Variants in RGS7 observed in about 807,000 individuals in gnomAD.
The protein encoded by RGS7 is regulator of G-protein signaling 7.
Under a neutral mutation model 81.1 loss-of-function variants are expected in RGS7, and 27 were observed. That is an observed-to-expected ratio of 0.33 (90% CI 0.25 to 0.46). The LOEUF is 0.46. RGS7 is among the 20% of genes least tolerant of loss of function. RGS7 has a pLI of 1.00. For synonymous variants in RGS7, 208 were observed against 207.7 expected (o/e 1.00, Z -0.01); for missense variants, 396 against 607.4 (o/e 0.65, Z 3.66).
intron 3 of RGS7, among the ~76,000 whole-genome samples, chr1:241,062,565 T>G (rs950353537): frequency 6.6e-6 from 1 of 152,174 alleles, no homozygotes; most frequent in Non-Finnish European, 1.5e-5. Context: ...TCAAAATAGG[T>G]GACCTAGAAC....
intron 6 of RGS7, among the ~76,000 whole-genome samples, chr1:240,873,033 C>T (rs917071640): frequency 2.0e-5 from 3 of 151,890 alleles, no homozygotes; most frequent in African/African-American, 7.3e-5. Context: ...GAGCCAAGAT[C>T]ATGCCACTGC....
intron 2 of RGS7, among the ~76,000 whole-genome samples, chr1:241,296,504 T>C (rs987245493): frequency 6.6e-6 from 1 of 152,250 alleles, no homozygotes; most frequent in African/African-American, 2.4e-5. Context: ...GTCATTGCAA[T>C]AGACACTTTC....
intron 6 of RGS7, among the ~76,000 whole-genome samples, chr1:240,875,991 C>G (rs1020218739): frequency 3.3e-5 from 5 of 152,314 alleles, no homozygotes; most frequent in South Asian, 2.1e-4. Flanking sequence ...TTTAGCCTCT[C>G]TCTATGATGC....
At chr1:240,947,946 T>G (rs778708199) in intron 4 of RGS7, among the ~76,000 whole-genome samples, 2 of 152,160 alleles carry the variant, frequency 1.3e-5, no homozygotes, top group Non-Finnish European at 2.9e-5. Context: ...ATACCAAGCA[T>G]GCGCAGGCCT....
chr1:241,093,834 C>CTT (rs56006831), intron 3 of RGS7, among the ~76,000 whole-genome samples: 8 of 147,850 alleles, frequency 5.4e-5, no homozygotes, highest in African/African-American at 1.7e-4. Context: ...ATGTACACTC[C>CTT]TTTTTTTTTT....
At chr1:241,168,860 T>C (rs1343014099) in intron 2 of RGS7, among the ~76,000 whole-genome samples, 1 of 152,054 alleles carries the variant, frequency 6.6e-6, no homozygotes, top group Non-Finnish European at 1.5e-5. Flanking sequence ...TCTCTCTCCA[T>C]TGCTGGTTTG....
intron 18 of RGS7, among the ~76,000 whole-genome samples, chr1:240,784,011 A>G (rs1415597308): frequency 6.7e-5 from 6 of 89,594 alleles, no homozygotes; most frequent in Non-Finnish European, 1.4e-4. Flanking sequence ...CCCTGTCTCT[A>G]CTAAAAAAAA....
At chr1:240,882,847 G>A (rs981827160) in intron 6 of RGS7, among the ~76,000 whole-genome samples, 14 of 151,992 alleles carry the variant, frequency 9.2e-5, no homozygotes, top group Admixed American at 3.3e-4. Context: ...CTCTCACTGC[G>A]GAAATTGCTG....
Position 241,206,050 on chromosome 1 carries a change from G to A in RGS7, c.79-107288C>T, listed in dbSNP as rs544944157. 3.3e-5 allele frequency among the ~76,000 whole-genome samples: 5 copies of A among 151,308 alleles called. No individual in the cohort carries two copies. In the South Asian group the frequency reaches 1.0e-3, roughly 32 times the overall value. On this transcript the variant is annotated intron_variant, in intron 2 of 18. Coordinates refer to ENST00000440928, the MANE Select transcript of RGS7 (RefSeq NM_001364886.1). ...CATGTTTAACCCACTAGCAAATTCA[G>A]TTGACTCAGCCCCCAAAACACACCT...
At chr1:241,033,563 A>C (rs1357708868) in intron 3 of RGS7, among the ~76,000 whole-genome samples, 1 of 152,074 alleles carries the variant, frequency 6.6e-6, no homozygotes, top group African/African-American at 2.4e-5. Flanking sequence ...AATAGGGTTA[A>C]TTTTTAAATA....
chr1:240,827,876 A>AC (rs1391412480), intron 9 of RGS7, among the ~76,000 whole-genome samples: 28 of 150,544 alleles, frequency 1.9e-4, no homozygotes, highest in African/African-American at 4.4e-4. Context: ...AAAAAAAAAA[A>AC]AAAAAAAAAA....
At chr1:240,855,569 C>T (rs1051655595) in intron 9 of RGS7, among the ~76,000 whole-genome samples, 3 of 151,788 alleles carry the variant, frequency 2.0e-5, no homozygotes, top group Non-Finnish European at 4.4e-5. Context: ...TTTTTCTCCA[C>T]ATCTTTCCAA....
chr1:240,841,402 G>A (rs577659452), intron 9 of RGS7, among the ~76,000 whole-genome samples: 18 of 152,142 alleles, frequency 1.2e-4, no homozygotes, highest in Admixed American at 4.6e-4. Flanking sequence ...ATGGCACAGC[G>A]GAGTTCAGAC....
At chr1:241,087,478 C>A (rs896533705) in intron 3 of RGS7, among the ~76,000 whole-genome samples, 5 of 152,034 alleles carry the variant, frequency 3.3e-5, no homozygotes, top group Non-Finnish European at 7.4e-5. Context: ...ATTAATGAAC[C>A]CCTCTGATGT....
chr1:241,257,838 G>T (rs1012605162), intron 2 of RGS7, among the ~76,000 whole-genome samples: 1 of 152,150 alleles, frequency 6.6e-6, no homozygotes, highest in African/African-American at 2.4e-5. Context: ...GCTAGAATTA[G>T]AATTCACTTT....
In RGS7 at chr1:240,894,242, T is replaced by C. The variant is rs1214477699; in HGVS notation, c.386-24123A>G. ...TAAAGTCTCTTTTTCCTTGAGTTTC[T>C]TCAAGTTTGGGGAGGTGCATCTATT... On this transcript the variant is annotated intron_variant, in intron 6 of 18. Coordinates refer to ENST00000440928, the MANE Select transcript of RGS7 (RefSeq NM_001364886.1). 2.0e-5 allele frequency among the ~76,000 whole-genome samples: 3 copies of C among 152,218 alleles called. 1 individual carries two copies. The highest frequency in any genetic ancestry group is 4.4e-5 in the Non-Finnish European group (3 of 68,030).
At chr1:241,100,003 T>G (rs1572690061) in intron 2 of RGS7, among the ~76,000 whole-genome samples, 1 of 132,476 alleles carries the variant, frequency 7.5e-6, no homozygotes, top group African/African-American at 2.9e-5. Context: ...TTATCTTTTC[T>G]TTTTATCTAT....
At chr1:241,249,195 A>T (rs1012385241) in intron 2 of RGS7, among the ~76,000 whole-genome samples, 1 of 152,104 alleles carries the variant, frequency 6.6e-6, no homozygotes, top group African/African-American at 2.4e-5. Context: ...ACTTTGTGAA[A>T]CCTAAGGACT....
intron 2 of RGS7, among the ~76,000 whole-genome samples, chr1:241,173,136 T>C (rs990846994): frequency 3.9e-5 from 6 of 152,170 alleles, no homozygotes; most frequent in East Asian, 1.9e-4. Flanking sequence ...CTGAGGCCCA[T>C]AGGTTTTTAT....
Sources: gnomAD v4.1 joint callset for allele counts (sites outside exome capture counted in the v4.1 genomes callset) on GRCh38, gnomAD v4.1.1 for gene constraint, MANE v1.5 for transcripts, NCBI Gene and HGNC (gene_info 2026-07-23, HGNC 2026-07-21) for gene names.